ELAVL1: variants seen among roughly 807,000 people sequenced by gnomAD.
ELAVL1 encodes the protein ELAV-like protein 1.
ELAVL1 carries 1 observed loss-of-function variant against 28.4 expected under a neutral mutation model. The ratio of observed to expected loss-of-function variants is 0.04; its 90% CI spans 0.01 to 0.17. The LOEUF is 0.17. ELAVL1 is among the 10% of genes least tolerant of loss of function. The pLI is 1.00. For missense variants in ELAVL1, 157 were observed against 447.2 expected, an observed-to-expected ratio of 0.35 and a Z score of 5.85; for synonymous variants, 174 against 183.5, an observed-to-expected ratio of 0.95 and a Z score of 0.42.
intron 3 of ELAVL1, among the ~76,000 whole-genome samples, chr19:7,976,827 C>T (rs567659070): frequency 2.0e-5 from 3 of 151,984 alleles, no homozygotes; most frequent in East Asian, 3.9e-4. Flanking sequence ...TTGATCATGA[C>T]CTGACACGCT....
intron 5 of ELAVL1, 146 bp downstream of exon 5, chr19:7,967,419 T>C: frequency 1.1e-6 from 1 of 871,432 alleles, no homozygotes; most frequent in African/African-American, 1.7e-5. Flanking sequence ...TGATGGAGGT[T>C]GTGGTGTGGA....
In ELAVL1 at chr19:7,981,209, AT is replaced by A. The variant is rs757378649; in HGVS notation, c.173-24del. On this transcript the variant is annotated intron_variant, in intron 2 of 5. Transcript: ENST00000407627. The surrounding 1 kb of genome is among the most constrained non-coding windows in gnomAD (Gnocchi z 4.2). ...GTCCTGTGCAAGAGAACATGAAGAC[AT>A]TGGTAAGCCAACCGTCTGCGAGTGA... 1.2e-6 allele frequency: 2 copies of A among 1,613,530 alleles called. No homozygotes were observed. Among genetic ancestry groups the A allele is most frequent in the Non-Finnish European group, 1.7e-6 (2 of 1,179,434 alleles).
intron 1 of ELAVL1, among the ~76,000 whole-genome samples, chr19:8,000,886 C>T (rs1427951559): frequency 6.6e-6 from 1 of 152,262 alleles, no homozygotes; most frequent in Admixed American, 6.5e-5. Context: ...ACCCCACAGC[C>T]CTGCTAAGGG....
At chr19:7,969,004 C>T (rs768135502) in intron 4 of ELAVL1, among the ~76,000 whole-genome samples, 1 of 152,114 alleles carries the variant, frequency 6.6e-6, no homozygotes, top group Non-Finnish European at 1.5e-5. Flanking sequence ...CATCACTAGG[C>T]GGGAGTCACG....
At chr19:7,980,982 T>C in intron 3 of ELAVL1, 101 bp downstream of exon 3, 2 of 1,194,928 alleles carry the variant, frequency 1.7e-6, no homozygotes, top group Non-Finnish European at 1.2e-6. Flanking sequence ...GGAGCGGCTG[T>C]GCTCATAGTC....
chr19:7,963,495 C>T lies in ELAVL1; in HGVS notation c.969G>A (p.Lys323=), dbSNP rs1311113164. Residue 323 remains lysine (K), a synonymous_variant, in exon 6 of 6, where the codon AAG becomes AAA. Coordinates refer to ENST00000407627, the MANE Select transcript of ELAVL1 (RefSeq NM_001419.3). This position sits in a 1 kb window ranked among gnomAD's most constrained non-coding sequence, Gnocchi z 4.5. ...AAGCATGAGCGAGTTATTTGTGGGA[C>T]TTGTTGGTTTTGAAGGAAACCTGTA... is the stretch of plus-strand genomic sequence containing the variant. ...KILQVSFKTN[K]SHK is the part of the protein sequence containing the mutation. 1 of 1,605,928 alleles carries T rather than the reference C, an allele frequency of 6.2e-7. No homozygotes were observed. The highest frequency in any genetic ancestry group is 8.5e-7 in the Non-Finnish European group (1 of 1,173,496).
At chr19:7,999,203 T>C (rs867536262) in intron 1 of ELAVL1, among the ~76,000 whole-genome samples, 4 of 152,152 alleles carry the variant, frequency 2.6e-5, no homozygotes, top group South Asian at 2.1e-4. Context: ...TGAAACCCTG[T>C]CTATACTGAA....
At chr19:7,985,789 G>A (rs1174728075) in intron 2 of ELAVL1, among the ~76,000 whole-genome samples, 1 of 152,236 alleles carries the variant, frequency 6.6e-6, no homozygotes, top group Non-Finnish European at 1.5e-5. Flanking sequence ...GAAATGCAGG[G>A]CTGTCCCAGA....
At position 7,959,719 on chromosome 19, in the gene ELAVL1, A is replaced by G. The variant is rs1450140811; in HGVS notation, c.*3764T>C. 1 of 152,226 alleles carries G rather than the reference A, an allele frequency of 6.6e-6. No homozygotes were observed. The highest frequency in any genetic ancestry group is 1.5e-5 in the Non-Finnish European group (1 of 68,044). The allele number at this position is 152,226 out of a possible 1,614,324, so 9.4% of individuals were successfully genotyped here. Reference sequence around the variant, plus strand: ...ATTCTACTGCCATCATTACACGCCAATTGCCAATGCCACTTAAAAGAAAGC... The same window carrying G: ...ATTCTACTGCCATCATTACACGCCAGTTGCCAATGCCACTTAAAAGAAAGC... On this transcript the variant is annotated 3_prime_UTR_variant, in exon 6 of 6. Transcript: ENST00000407627.
At chr19:7,969,990 T>A (rs960137816) in intron 4 of ELAVL1, among the ~76,000 whole-genome samples, 4 of 152,080 alleles carry the variant, frequency 2.6e-5, no homozygotes, top group South Asian at 2.1e-4. Flanking sequence ...ATTTTTTTTT[T>A]AAGATGGAGT....
chr19:7,977,643 AAGAT>A (rs1260631036), intron 3 of ELAVL1, among the ~76,000 whole-genome samples: 1 of 152,322 alleles, frequency 6.6e-6, no homozygotes, highest in Non-Finnish European at 1.5e-5. Flanking sequence ...CTATGGGAAA[AAGAT>A]AGATAGGGAT....
At chr19:7,997,639 T>G (rs1159891670) in intron 1 of ELAVL1, among the ~76,000 whole-genome samples, 1 of 152,148 alleles carries the variant, frequency 6.6e-6, no homozygotes, top group Non-Finnish European at 1.5e-5. Context: ...TTTTCCTACA[T>G]GCAAATTTAA....
intron 1 of ELAVL1, among the ~76,000 whole-genome samples, chr19:7,997,618 G>A (rs1196111966): frequency 8.6e-5 from 13 of 151,952 alleles, no homozygotes; most frequent in South Asian, 2.1e-4. Context: ...AACTCTACTC[G>A]AAAAAATGAA....
At chr19:7,970,750 T>C (rs1014655304) in intron 4 of ELAVL1, among the ~76,000 whole-genome samples, 1 of 151,086 alleles carries the variant, frequency 6.6e-6, no homozygotes, top group African/African-American at 2.4e-5. Context: ...AAAAAAGAGT[T>C]GGGGGTCTCG....
At chr19:7,965,374 C>A (rs1362598790) in intron 5 of ELAVL1, among the ~76,000 whole-genome samples, 1 of 152,204 alleles carries the variant, frequency 6.6e-6, no homozygotes, top group African/African-American at 2.4e-5. Context: ...ATGCGCCCGG[C>A]CTTCTTAGGA....
rs1985453975 is a variant in ELAVL1 at position 7,981,233 on chromosome 19, T to C, written c.173-47A>G. The C allele has an allele frequency of 6.3e-7, 1 of 1,598,256 alleles. No individual in the cohort carries two copies. ...CATTGGTAAGCCAACCGTCTGCGAG[T>C]GAGGGACAGGGAGGTCGGGAAGCAC... On this transcript the variant is annotated intron_variant, in intron 2 of 5. Transcript: ENST00000407627. The surrounding 1 kb of genome is among the most constrained non-coding windows in gnomAD (Gnocchi z 4.2).
intron 1 of ELAVL1, among the ~76,000 whole-genome samples, chr19:8,003,548 C>T (rs572761958): frequency 6.6e-6 from 1 of 151,458 alleles, no homozygotes; most frequent in Non-Finnish European, 1.5e-5. Context: ...AAAAATTAGT[C>T]GGGCGTGGTA....
intron 2 of ELAVL1, among the ~76,000 whole-genome samples, chr19:7,984,244 T>C (rs1005305534): frequency 6.6e-6 from 1 of 152,246 alleles, no homozygotes; most frequent in South Asian, 2.1e-4. Context: ...TAGTGATGCA[T>C]GACAGAGGAC....
At chr19:7,994,543 C>T (rs1028916343) in intron 1 of ELAVL1, among the ~76,000 whole-genome samples, 1 of 152,138 alleles carries the variant, frequency 6.6e-6, no homozygotes, top group African/African-American at 2.4e-5. Context: ...TCAAATGGCT[C>T]GTAAGTCCAG....
Sources: gnomAD v4.1 joint callset for allele counts (sites outside exome capture counted in the v4.1 genomes callset) on GRCh38, gnomAD v4.1.1 for gene constraint, Gnocchi (gnomAD v3.1) non-coding constraint, MANE v1.5 for transcripts, NCBI Gene and HGNC (gene_info 2026-07-23, HGNC 2026-07-21) for gene names.